LRMDA: variants seen among roughly 807,000 people sequenced by gnomAD.
LRMDA encodes the protein leucine-rich melanocyte differentiation-associated protein.
Under a neutral mutation model 29.8 loss-of-function variants are expected in LRMDA, and 18 were observed. That is an observed-to-expected ratio of 0.60 (90% CI 0.42 to 0.90). The LOEUF is 0.90. LRMDA is among the 40% of genes least tolerant of loss of function. The probability of loss-of-function intolerance (pLI) is 0.00; values close to 1 mark genes in which losing one functional copy is unlikely to be tolerated. For synonymous variants in LRMDA, 125 were observed against 109.4 expected (o/e 1.14, Z -0.89); for missense variants, 273 against 273.9 (o/e 1.00, Z 0.02).
intron 5 of LRMDA, among the ~76,000 whole-genome samples, chr10:76,073,886 C>G (rs1217514663): frequency 6.6e-6 from 1 of 152,160 alleles, no homozygotes; most frequent in Non-Finnish European, 1.5e-5. Flanking sequence ...AAGTTGTAGT[C>G]CTAGGGAATT....
intron 2 of LRMDA, among the ~76,000 whole-genome samples, chr10:75,459,620 C>T (rs1273149359): frequency 6.6e-6 from 1 of 152,168 alleles, no homozygotes; most frequent in African/African-American, 2.4e-5. Context: ...TTTTTAAGCT[C>T]AGCAAAAACA....
At chr10:75,710,015 C>T (rs771624095) in intron 2 of LRMDA, among the ~76,000 whole-genome samples, 12 of 152,136 alleles carry the variant, frequency 7.9e-5, no homozygotes, top group Middle Eastern at 3.2e-3. Context: ...GTAAAAAAGA[C>T]GGTGCAGGTT....
At chr10:76,266,574 G>A (rs916190991) in intron 5 of LRMDA, among the ~76,000 whole-genome samples, 8 of 151,916 alleles carry the variant, frequency 5.3e-5, no homozygotes, top group Non-Finnish European at 1.2e-4. Context: ...TTTCACAATA[G>A]GAAACTAAGT....
intron 6 of LRMDA, among the ~76,000 whole-genome samples, chr10:76,327,576 C>T (rs1840851708): frequency 6.6e-6 from 1 of 152,200 alleles, no homozygotes; most frequent in South Asian, 2.1e-4. Context: ...TACATATGTT[C>T]ACCACTTTAT....
intron 5 of LRMDA, among the ~76,000 whole-genome samples, chr10:76,256,732 A>G (rs1852600827): frequency 6.6e-6 from 1 of 152,160 alleles, no homozygotes. Flanking sequence ...TATTTATTAC[A>G]TTTTAACACA....
chr10:75,639,629 G>A (rs767667822), intron 2 of LRMDA, among the ~76,000 whole-genome samples: 58 of 152,300 alleles, frequency 3.8e-4, no homozygotes, highest in Admixed American at 1.2e-3. Context: ...CTCCTGAAGC[G>A]GCTGATTGTC....
intron 2 of LRMDA, among the ~76,000 whole-genome samples, chr10:75,946,599 G>T (rs1052602057): frequency 6.6e-6 from 1 of 152,220 alleles, no homozygotes; most frequent in Non-Finnish European, 1.5e-5. Flanking sequence ...ATATGGTTCG[G>T]ATTGCCCATC....
At chr10:76,221,072 C>T (rs973199318) in intron 5 of LRMDA, among the ~76,000 whole-genome samples, 3 of 151,952 alleles carry the variant, frequency 2.0e-5, no homozygotes, top group Non-Finnish European at 4.4e-5. Flanking sequence ...AATTCAACAA[C>T]CCTTCATGCT....
chr10:76,242,110 A>T (rs1024300205), intron 5 of LRMDA: 10 of 152,066 alleles, frequency 6.6e-5, no homozygotes, highest in African/African-American at 2.4e-4. Context: ...AGGAGTTTTG[A>T]CCTGCTCCAT....
At chr10:75,603,326 G>A (rs771860159) in intron 2 of LRMDA, among the ~76,000 whole-genome samples, 8 of 152,064 alleles carry the variant, frequency 5.3e-5, no homozygotes, top group Non-Finnish European at 1.0e-4. Context: ...TTTTAAAATA[G>A]TTCTGTCAAC....
chr10:76,108,470 A>C (rs1252752882), intron 5 of LRMDA, among the ~76,000 whole-genome samples: 1 of 152,174 alleles, frequency 6.6e-6, no homozygotes, highest in Non-Finnish European at 1.5e-5. Flanking sequence ...TTCACATTCC[A>C]TTTGGGTGTG....
intron 2 of LRMDA, among the ~76,000 whole-genome samples, chr10:75,496,924 C>T (rs566913060): frequency 6.6e-6 from 1 of 151,648 alleles, no homozygotes; most frequent in African/African-American, 2.4e-5. Context: ...GTATATATGA[C>T]CTGTGGACCC....
chr10:76,301,402 A>T (rs1049020678), intron 5 of LRMDA, among the ~76,000 whole-genome samples: 2 of 152,260 alleles, frequency 1.3e-5, no homozygotes, highest in Admixed American at 1.3e-4. Context: ...ATGTGACAGC[A>T]GCTTCTAAAA....
intron 6 of LRMDA, among the ~76,000 whole-genome samples, chr10:76,436,283 C>G (rs1198902396): frequency 6.6e-6 from 1 of 152,142 alleles, no homozygotes; most frequent in African/African-American, 2.4e-5. Context: ...TTAATGCTTT[C>G]TGTGAGTGAA....
At chr10:76,501,536 T>C (rs1302472856) in intron 6 of LRMDA, among the ~76,000 whole-genome samples, 1 of 152,042 alleles carries the variant, frequency 6.6e-6, no homozygotes, top group African/African-American at 2.4e-5. Flanking sequence ...CATATGTCAT[T>C]TTTTGACTTT....
At chr10:75,925,952 C>G (rs1846113693) in intron 2 of LRMDA, among the ~76,000 whole-genome samples, 1 of 152,300 alleles carries the variant, frequency 6.6e-6, no homozygotes, top group Non-Finnish European at 1.5e-5. Flanking sequence ...GCTCCCATAA[C>G]AACTCTAGGG....
chr10:76,240,211 C>A (rs1262070226), intron 5 of LRMDA, among the ~76,000 whole-genome samples: 5 of 149,014 alleles, frequency 3.4e-5, no homozygotes, highest in East Asian at 4.0e-4. Context: ...ACACACACAC[C>A]ACACACACAC....
chr10:76,251,559 C>T lies in LRMDA; in HGVS notation c.517-72842C>T, dbSNP rs77605339. Among the ~76,000 whole-genome samples the T allele has an allele frequency of 0.011, 1,657 of 152,296 alleles. 53 individuals are homozygous for T. In the East Asian group the frequency reaches 0.11, roughly 11 times the overall value. On this transcript the variant is annotated intron_variant, in intron 5 of 6. Transcript: ENST00000611255. ...GAGCCACCGCGCCCGGCCCTCCCGTCGCTTCTAAGTATCATGTGGACATTT... is the reference window on the plus strand; with the variant it reads ...GAGCCACCGCGCCCGGCCCTCCCGTTGCTTCTAAGTATCATGTGGACATTT...
intron 2 of LRMDA, among the ~76,000 whole-genome samples, chr10:75,934,711 G>A (rs1846259348): frequency 6.6e-6 from 1 of 152,168 alleles, no homozygotes; most frequent in Non-Finnish European, 1.5e-5. Context: ...TGCAAATGGT[G>A]TTGATGTCAG....
Sources: gnomAD v4.1 joint callset for allele counts (sites outside exome capture counted in the v4.1 genomes callset) on GRCh38, gnomAD v4.1.1 for gene constraint, MANE v1.5 for transcripts, NCBI Gene and HGNC (gene_info 2026-07-23, HGNC 2026-07-21) for gene names.